Variants in SLC4A2 observed in about 807,000 individuals in gnomAD.
SLC4A2 encodes anion exchange protein 2.
A neutral mutation model predicts 115.0 loss-of-function variants in SLC4A2; 36 were observed. The ratio of observed to expected loss-of-function variants is 0.31; its 90% CI spans 0.24 to 0.41. The LOEUF (loss-of-function observed/expected upper bound fraction) is 0.41, where lower values mean the gene tolerates loss of function less well. Ranked by LOEUF, SLC4A2 falls within the 10% of genes least tolerant of loss-of-function variation. SLC4A2 has a pLI of 1.00. For synonymous variants in SLC4A2, 708 were observed against 708.3 expected (o/e 1.00, Z 0.01); for missense variants, 1,252 against 1,705.6 (o/e 0.73, Z 4.68).
At chr7:151,075,991 C>G (rs200891123) in intron 21 of SLC4A2, 22 bp from the exon 22 acceptor site, 55 of 1,564,292 alleles carry the variant, frequency 3.5e-5, no homozygotes, top group East Asian at 2.9e-4. Context: ...GGAAGCTGGG[C>G]TCACCTGTCT....
At chr7:151,069,684 A>G (rs1360063730) in intron 8 of SLC4A2, among the ~76,000 whole-genome samples, 2 of 151,698 alleles carry the variant, frequency 1.3e-5, no homozygotes, top group Non-Finnish European at 2.9e-5. Context: ...CGTGGCCTAG[A>G]TGGCCTCTCT....
chr7:151,069,822 A>G (rs1797367618), intron 8 of SLC4A2, 125 bp from the exon 9 acceptor site: 5 of 1,119,272 alleles, frequency 4.5e-6, no homozygotes, highest in South Asian at 1.3e-5. Context: ...CGCGTCCTTC[A>G]TGTGTAGGCT....
At position 151,074,283 on chromosome 7, in the gene SLC4A2, T is replaced by C; in HGVS notation, c.2780T>C (p.Phe927Ser). 6.2e-7 allele frequency: 1 copy of C among 1,610,050 alleles called. No individual in the cohort carries two copies. The highest frequency in any genetic ancestry group is 8.5e-7 in the Non-Finnish European group (1 of 1,179,222). ...FLRKFKNSRF[F>S]PGRIRRVIGD... ...CGCAAATTCAAGAACAGCCGGTTCT[T>C]TCCTGGCCGGGTGCGTGGGCTTAAA... The change falls in exon 17 of 23, where the codon TTT becomes TCT. Residue 927 changes from phenylalanine to serine, a missense_variant. By Grantham distance (155) the Phe-to-Ser change is radical. Coordinates refer to ENST00000413384, the MANE Select transcript of SLC4A2 (RefSeq NM_003040.4).
intron 2 of SLC4A2, chr7:151,063,041 C>T (rs964193179): frequency 6.8e-7 from 1 of 1,478,124 alleles, no homozygotes; most frequent in Non-Finnish European, 8.9e-7. Context: ...TTGGCGGCGC[C>T]TGGAGCTGAG....
intron 2 of SLC4A2, chr7:151,062,684 T>C (rs1199658580): frequency 1.3e-6 from 2 of 1,498,918 alleles, no homozygotes; most frequent in South Asian, 1.2e-5. Context: ...TCTGCGACCC[T>C]CTCTCCCCAT....
intron 3 of SLC4A2, 75 bp from the exon 4 acceptor site, chr7:151,064,451 G>A (rs1302822075): frequency 5.7e-6 from 9 of 1,573,912 alleles, no homozygotes; most frequent in Non-Finnish European, 7.8e-6. Context: ...CTAGTGGGAG[G>A]AGTGGGGCTA....
At position 151,060,668 on chromosome 7, in the gene SLC4A2, TCTG is replaced by T. The variant is rs1797014821; in HGVS notation, c.-64+907_-64+909del. ...GGTGGGAGTGGGCGCCTGCAGGTGC[TCTG>T]GGCGGACTCTCCCCACACCCTTCCC... On this transcript the variant is annotated intron_variant, in intron 1 of 22. Coordinates refer to ENST00000413384, the MANE Select transcript of SLC4A2 (RefSeq NM_003040.4). This position sits in a 1 kb window ranked among gnomAD's most constrained non-coding sequence, Gnocchi z 5.9. 6.6e-6 allele frequency among the ~76,000 whole-genome samples: 1 copy of T among 152,086 alleles called. No individual in the cohort carries two copies. The highest frequency in any genetic ancestry group is 1.5e-5 in the Non-Finnish European group (1 of 68,002).
intron 2 of SLC4A2, chr7:151,062,439 C>A: frequency 1.9e-6 from 2 of 1,045,130 alleles, no homozygotes; most frequent in Non-Finnish European, 2.6e-6. Context: ...TGCCCACGTG[C>A]CACCCAGGCC....
Position 151,071,214 on chromosome 7 carries a change from G to T in SLC4A2, c.1892G>T (p.Arg631Leu), listed in dbSNP as rs776918935. The change falls in exon 13 of 23, where the codon CGC becomes CTC. Residue 631 changes from arginine (R) to leucine (L), a missense_variant. By Grantham distance (102) the Arg-to-Leu change is moderately radical. Transcript: ENST00000413384. The surrounding 1 kb of genome is among the most constrained non-coding windows in gnomAD (Gnocchi z 5.5). ...ELLRSVAHFQRQMLKKREEQG... is the reference protein window; with the variant it reads ...ELLRSVAHFQLQMLKKREEQG... ...CTGCGCTCTGTGGCCCACTTCCAGC[G>T]CCAGATGCTCAAGAAGCGAGAGGAG... 10 of 1,598,148 alleles carry T rather than the reference G, an allele frequency of 6.3e-6. No individual in the cohort carries two copies. Among genetic ancestry groups the T allele is most frequent in the Non-Finnish European group, 4.3e-6 (5 of 1,172,930 alleles).
intron 21 of SLC4A2, 101 bp from the exon 22 acceptor site, chr7:151,075,912 C>G (rs1445891827): frequency 2.1e-6 from 3 of 1,440,182 alleles, no homozygotes; most frequent in Non-Finnish European, 2.8e-6. Flanking sequence ...CCAGCTCTGG[C>G]ACCTAGGAAT....
Position 151,071,078 on chromosome 7 carries a change from C to G in SLC4A2, c.1756C>G (p.His586Asp). ...CCCCATGCTGCTTTGGCAGCAATTC[C>G]ACGAGGCAGCCTACCTGGCTGACGA... ...ISTLMSDKQF[H>D]EAAYLADERE... is the part of the protein sequence containing the mutation. The change falls in exon 13 of 23, where the codon CAC (histidine) becomes GAC (aspartate). Residue 586 changes from histidine (H) to aspartate (D), a missense_variant. This residue lies in a region of SLC4A2 where 87 missense variants were observed against 170.3 expected (regional missense o/e 0.51). Coordinates refer to ENST00000413384, the MANE Select transcript of SLC4A2 (RefSeq NM_003040.4). This position sits in a 1 kb window ranked among gnomAD's most constrained non-coding sequence, Gnocchi z 5.5. The G allele has an allele frequency of 6.2e-7, 1 of 1,612,608 alleles. No individual in the cohort carries two copies. The highest frequency in any genetic ancestry group is 8.5e-7 in the Non-Finnish European group (1 of 1,179,962).
intron 2 of SLC4A2, among the ~76,000 whole-genome samples, 156 bp downstream of exon 2, chr7:151,062,194 G>T (rs906437545): frequency 2.6e-5 from 4 of 152,152 alleles, no homozygotes; most frequent in Admixed American, 1.3e-4. Flanking sequence ...CATGATGGTC[G>T]TAGGGGGGGA....
intron 16 of SLC4A2, among the ~76,000 whole-genome samples, chr7:151,073,520 C>T (rs1277536931): frequency 2.6e-5 from 4 of 151,992 alleles, no homozygotes; most frequent in Non-Finnish European, 5.9e-5. Context: ...CTGCCCGCCT[C>T]GGCCTCCCAA....
In SLC4A2 at chr7:151,076,192, C is replaced by T. The variant is rs1383727045; in HGVS notation, c.3645+6C>T. 1.2e-6 allele frequency: 2 copies of T among 1,611,920 alleles called. No homozygotes were observed. The highest frequency in any genetic ancestry group is 1.7e-6 in the Non-Finnish European group (2 of 1,179,626). On this transcript the variant is annotated splice_donor_region_variant and intron_variant, in intron 22 of 22. Transcript: ENST00000413384. ...CCGACCGAGAGATGAAATGTGTAAGCCCTCCCGTCTGCCTCCCCCGGTTCC... is the reference window on the plus strand; with the variant it reads ...CCGACCGAGAGATGAAATGTGTAAGTCCTCCCGTCTGCCTCCCCCGGTTCC...
intron 20 of SLC4A2, 27 bp downstream of exon 20, chr7:151,075,535 C>T (rs1379735474): frequency 6.3e-7 from 1 of 1,593,916 alleles, no homozygotes; most frequent in Admixed American, 1.7e-5. Context: ...CTTTCCCTTC[C>T]CAGTGGATTC....
intron 16 of SLC4A2, among the ~76,000 whole-genome samples, chr7:151,072,911 G>A (rs1797489757): frequency 1.3e-5 from 2 of 152,052 alleles, no homozygotes; most frequent in South Asian, 2.1e-4. Flanking sequence ...TGATCCGCCC[G>A]CCTCGCCTCC....
Position 151,066,896 on chromosome 7 carries a change from G to A in SLC4A2, c.869G>A (p.Arg290Gln), listed in dbSNP as rs147367965. 2.6e-5 allele frequency: 42 copies of A among 1,613,636 alleles called. No individual in the cohort carries two copies. Among genetic ancestry groups the A allele is most frequent in the African/African-American group, 5.3e-5 (4 of 74,930 alleles). The change falls in exon 7 of 23, where the codon CGG becomes CAG. Residue 290 changes from arginine (R) to glutamine (Q), a missense_variant. Physicochemically the swap from Arg to Gln is conservative, Grantham distance 43. Around this residue, in one of 14 missense-constraint regions of SLC4A2, gnomAD observed 42 missense variants for 93.1 expected, o/e 0.45. Transcript: ENST00000413384. Reference sequence around the variant, plus strand: ...CCTGGGGTGCGGCGGCACTTGGTGCGGAAGAATGCCAAAGGTTCCACACAG... The same window carrying A: ...CCTGGGGTGCGGCGGCACTTGGTGCAGAAGAATGCCAAAGGTTCCACACAG... ...DVPGVRRHLV[R>Q]KNAKGSTQSG...
Position 151,064,956 on chromosome 7 carries a change from G to T in SLC4A2, c.568G>T (p.Ala190Ser), listed in dbSNP as rs1362277953. The T allele has an allele frequency of 6.2e-7, 1 of 1,611,474 alleles. No homozygotes were observed. Among genetic ancestry groups the T allele is most frequent in the Admixed American group, 1.7e-5 (1 of 60,006 alleles). The change falls in exon 5 of 23, where the codon GCC becomes TCC. Residue 190 changes from alanine (A) to serine (S), a missense_variant. Transcript: ENST00000413384. The stretch of plus-strand genomic sequence containing the variant: ...GGCGACTCCTCGGGCCTCCAAAGGG[G>T]CCCAGGCTGGGTAAGTACACCCCAA... ...QEATPRASKG[A>S]QAGTQVEEAE...
At chr7:151,070,658 A>T in intron 11 of SLC4A2, 69 bp from the exon 12 acceptor site, 1 of 1,602,562 alleles carries the variant, frequency 6.2e-7, no homozygotes, top group Admixed American at 1.7e-5. Flanking sequence ...CCTTGGTGCC[A>T]CCCTGGGCGA....
Sources: allele counts gnomAD v4.1 joint callset (sites outside exome capture counted in the v4.1 genomes callset), GRCh38; gene constraint gnomAD v4.1.1; regional missense constraint gnomAD v4.1.1; non-coding constraint Gnocchi (gnomAD v3.1); transcripts MANE v1.5; gene names NCBI Gene and HGNC (gene_info 2026-07-23, HGNC 2026-07-21).